ZNF536: variants seen among roughly 807,000 people sequenced by gnomAD.
The protein encoded by ZNF536 is zinc finger protein 536.
A neutral mutation model predicts 84.5 loss-of-function variants in ZNF536; 13 were observed. That is an observed-to-expected ratio of 0.15 (90% CI 0.10 to 0.24). The LOEUF is 0.24. Among genes scored for constraint, ZNF536 ranks in the 10% least tolerant of loss-of-function variants. ZNF536 has a pLI of 1.00. For synonymous variants in ZNF536, 811 were observed against 742.5 expected (o/e 1.09, Z -1.50); for missense variants, 1,536 against 1,747.5 (o/e 0.88, Z 2.16).
At chr19:30,574,318 A>G (rs2046653450) in intron 1 of ZNF536, among the ~76,000 whole-genome samples, 1 of 152,236 alleles carries the variant, frequency 6.6e-6, no homozygotes, top group African/African-American at 2.4e-5. Flanking sequence ...CTGGGGGAAG[A>G]GACCCTTCAA....
chr19:30,614,942 A>ATTTTTTTTTTT lies in ZNF536; in HGVS notation c.169+65440_169+65450dup, dbSNP rs555419932. Among the ~76,000 whole-genome samples, 85 of 32,308 alleles carry ATTTTTTTTTTT rather than the reference A, an allele frequency of 2.6e-3. 10 individuals are homozygous for ATTTTTTTTTTT. Among genetic ancestry groups the ATTTTTTTTTTT allele is most frequent in the East Asian group, 9.0e-3 (3 of 334 alleles). The allele number at this position is 32,308 out of a possible 152,430, so 21.2% of individuals were successfully genotyped here. On this transcript the variant is annotated intron_variant, in intron 1 of 1. Coordinates refer to the ZNF536 transcript ENST00000592773. ...TTTTCTTTTATTCTCCCCCTTTTCA[A>ATTTTTTTTTTT]TTTTTTTTTTTTTTTTTTTTTTGAG...
intron 1 of ZNF536, among the ~76,000 whole-genome samples, chr19:30,585,410 G>A (rs1485687106): frequency 6.6e-6 from 1 of 152,190 alleles, no homozygotes; most frequent in Non-Finnish European, 1.5e-5. Context: ...ATGGATGGAT[G>A]AACAGATGAA....
chr19:30,683,152 A>C (rs879230567), intron 1 of ZNF536, among the ~76,000 whole-genome samples: 3 of 152,126 alleles, frequency 2.0e-5, no homozygotes, highest in African/African-American at 7.2e-5. Context: ...GGTGGCGCGA[A>C]AGACCACCTT....
intron 2 of ZNF536, among the ~76,000 whole-genome samples, chr19:30,452,340 TTG>T (rs2052644580): frequency 6.6e-6 from 1 of 152,206 alleles, no homozygotes; most frequent in African/African-American, 2.4e-5. Context: ...GTTTGAAGCT[TTG>T]TGTCCTGTTC....
At chr19:30,247,061 G>T (rs2024320795) in intron 1 of ZNF536, among the ~76,000 whole-genome samples, 1 of 152,308 alleles carries the variant, frequency 6.6e-6, no homozygotes, top group Non-Finnish European at 1.5e-5. Context: ...GCTGGGGTTT[G>T]GGCATTGCCT....
chr19:30,436,343 C>T (rs1045362507), intron 1 of ZNF536: 14 of 202,380 alleles, frequency 6.9e-5, no homozygotes, highest in African/African-American at 2.8e-4. Flanking sequence ...ACAGGTCACC[C>T]GCGCTGCCCT....
chr19:30,524,673 C>T (rs1209496818), intron 2 of ZNF536, among the ~76,000 whole-genome samples: 2 of 152,134 alleles, frequency 1.3e-5, no homozygotes, highest in African/African-American at 4.8e-5. Context: ...GTAAGAATTC[C>T]TGGAGTCAGA....
At chr19:30,601,245 C>A (rs2047672883) in intron 1 of ZNF536, among the ~76,000 whole-genome samples, 1 of 152,204 alleles carries the variant, frequency 6.6e-6, no homozygotes, top group South Asian at 2.1e-4. Context: ...ATTATCCCAG[C>A]AGATTTTTCC....
intron 1 of ZNF536, among the ~76,000 whole-genome samples, chr19:30,419,741 C>T (rs1166734169): frequency 6.6e-6 from 1 of 152,314 alleles, no homozygotes; most frequent in South Asian, 2.1e-4. Context: ...GCAGCACGCT[C>T]CGTCTCCTGA....
At chr19:30,370,734 G>C (rs1056143549), upstream of ZNF536, among the ~76,000 whole-genome samples, 4 of 152,134 alleles carry the variant, frequency 2.6e-5, no homozygotes, top group African/African-American at 9.7e-5. Flanking sequence ...AGGTGAAACA[G>C]CTATTAAAAA....
chr19:30,669,684 A>G (rs1008953802), intron 1 of ZNF536, among the ~76,000 whole-genome samples: 1 of 152,224 alleles, frequency 6.6e-6, no homozygotes, highest in Non-Finnish European at 1.5e-5. Context: ...AGAAGCTTGC[A>G]GGGGGGCTGC....
chr19:30,373,143 T>G (rs2048675392), intron 1 of ZNF536, among the ~76,000 whole-genome samples: 1 of 152,224 alleles, frequency 6.6e-6, no homozygotes, highest in Non-Finnish European at 1.5e-5. Context: ...CATGCTTGAA[T>G]GTCCACCTGG....
chr19:30,451,734 A>G (rs2052617195), intron 2 of ZNF536, among the ~76,000 whole-genome samples: 1 of 152,206 alleles, frequency 6.6e-6, no homozygotes, highest in Admixed American at 6.5e-5. Flanking sequence ...CACTTGGCCC[A>G]TCTGTGGGAT....
chr19:30,445,888 C>G lies in ZNF536; in HGVS notation c.2170+156C>G, dbSNP rs1411247629. On this transcript the variant is annotated intron_variant, in intron 2 of 4. Transcript: ENST00000355537. The surrounding 1 kb of genome is among the most constrained non-coding windows in gnomAD (Gnocchi z 4.5). ...CACTGGGCCATGCCTTTCTTTCCCC[C>G]CCTGACTGGAGGGAAAGGGCCGTCC... Among the ~76,000 whole-genome samples, 4 of 152,086 alleles carry G rather than the reference C, an allele frequency of 2.6e-5. No individual in the cohort carries two copies. Among genetic ancestry groups the G allele is most frequent in the Admixed American group, 6.6e-5 (1 of 15,264 alleles).
At chr19:30,453,622 G>A (rs538042964) in intron 2 of ZNF536, among the ~76,000 whole-genome samples, 1 of 152,256 alleles carries the variant, frequency 6.6e-6, no homozygotes, top group East Asian at 1.9e-4. Flanking sequence ...AACAAACAGG[G>A]CAAACTAAGC....
chr19:30,466,993 G>A (rs181198446), intron 2 of ZNF536, among the ~76,000 whole-genome samples: 13 of 151,986 alleles, frequency 8.6e-5, no homozygotes, highest in Admixed American at 3.9e-4. Context: ...GGTGCCCACC[G>A]CCACACCTGG....
intron 1 of ZNF536, among the ~76,000 whole-genome samples, chr19:30,596,214 C>A (rs1325634083): frequency 2.0e-5 from 3 of 148,816 alleles, no homozygotes; most frequent in African/African-American, 7.5e-5. Context: ...AGCAAAAGGG[C>A]AGAGCTTGGA....
At chr19:30,346,848 T>C (rs1173332132) in intron 2 of ZNF536, among the ~76,000 whole-genome samples, 1 of 152,262 alleles carries the variant, frequency 6.6e-6, no homozygotes, top group East Asian at 1.9e-4. Context: ...TTTATGTTCC[T>C]TTGGGTATAT....
intron 1 of ZNF536, among the ~76,000 whole-genome samples, chr19:30,695,951 T>G (rs756649757): frequency 2.0e-5 from 3 of 152,214 alleles, no homozygotes; most frequent in Non-Finnish European, 4.4e-5. Flanking sequence ...GCGAGGGATA[T>G]TAAATGTGTA....
Sources: allele counts gnomAD v4.1 joint callset (sites outside exome capture counted in the v4.1 genomes callset), GRCh38; gene constraint gnomAD v4.1.1; non-coding constraint Gnocchi (gnomAD v3.1); transcripts MANE v1.5; gene names NCBI Gene and HGNC (gene_info 2026-07-23, HGNC 2026-07-21).